CSMD1: variants seen among roughly 807,000 people sequenced by gnomAD.
CSMD1 encodes the protein CUB and Sushi multiple domains 1, also known as CUB and sushi domain-containing protein 1.
CSMD1 carries 213 observed loss-of-function variants against 417.5 expected under a neutral mutation model. The ratio of observed to expected loss-of-function variants is 0.51; its 90% confidence interval spans 0.46 to 0.57. The LOEUF is 0.57. CSMD1 is among the 20% of genes least tolerant of loss of function. The pLI, the probability that CSMD1 is intolerant of heterozygous loss-of-function variation, is 0.00. For missense variants in CSMD1, 6,923 were observed against 4,529.7 expected, an observed-to-expected ratio of 1.53 and a Z score of -15.17; for synonymous variants, 2,862 against 1,736.8, an observed-to-expected ratio of 1.65 and a Z score of -16.11.
At chr8:4,494,603 A>C (rs1308866219) in intron 2 of CSMD1, among the ~76,000 whole-genome samples, 1 of 152,116 alleles carries the variant, frequency 6.6e-6, no homozygotes, top group East Asian at 1.9e-4. Context: ...CACAAATTAC[A>C]CTAACTATGG....
chr8:4,788,488 A>G, intron 1 of CSMD1: 1 of 1,335,538 alleles, frequency 7.5e-7, no homozygotes, highest in South Asian at 1.2e-5. Context: ...TATTTGGGGT[A>G]GACAACCATT....
chr8:3,306,296 C>A (rs1238054459), intron 25 of CSMD1, among the ~76,000 whole-genome samples: 2 of 152,280 alleles, frequency 1.3e-5, no homozygotes, highest in South Asian at 4.1e-4. Context: ...GCCTCAGTAT[C>A]CTGAGTAGCT....
chr8:4,248,644 C>A (rs941979823), intron 3 of CSMD1, among the ~76,000 whole-genome samples: 2 of 152,160 alleles, frequency 1.3e-5, no homozygotes, highest in Admixed American at 6.5e-5. Flanking sequence ...TCATTTTACA[C>A]CATTAAGGAC....
At chr8:3,968,413 G>A (rs1812838677) in intron 5 of CSMD1, among the ~76,000 whole-genome samples, 1 of 151,990 alleles carries the variant, frequency 6.6e-6, no homozygotes, top group African/African-American at 2.4e-5. Flanking sequence ...CTTCCTTCAT[G>A]GGTTCACATG....
At chr8:3,960,265 T>G (rs1242676210) in intron 5 of CSMD1, among the ~76,000 whole-genome samples, 1 of 152,228 alleles carries the variant, frequency 6.6e-6, no homozygotes, top group Admixed American at 6.5e-5. Flanking sequence ...CAGCAAATCC[T>G]AAGTGCCATC....
At chr8:3,578,532 T>TG (rs549522543) in intron 9 of CSMD1, among the ~76,000 whole-genome samples, 22 of 152,220 alleles carry the variant, frequency 1.4e-4, no homozygotes, top group African/African-American at 4.8e-4. Context: ...TGTCGCCTAT[T>TG]GGGGGGCTGT....
intron 3 of CSMD1, among the ~76,000 whole-genome samples, chr8:4,304,110 C>A (rs1051394927): frequency 6.6e-6 from 1 of 152,002 alleles, no homozygotes; most frequent in Admixed American, 6.6e-5. Flanking sequence ...ATAAAATTAA[C>A]CACTGTTATT....
intron 3 of CSMD1, among the ~76,000 whole-genome samples, chr8:4,033,130 GAAAAAAAAAAA>G (rs58668077): frequency 6.2e-5 from 5 of 80,658 alleles, no homozygotes; most frequent in Admixed American, 1.7e-4. Flanking sequence ...TTTCCAATAT[GAAAAAAAAAAA>G]AAAAAAAAAA....
chr8:4,026,293 C>G (rs1344634585), intron 4 of CSMD1, among the ~76,000 whole-genome samples: 1 of 152,078 alleles, frequency 6.6e-6, no homozygotes, highest in Non-Finnish European at 1.5e-5. Context: ...TCATACTACA[C>G]CAGACACTGA....
In CSMD1 at chr8:4,190,920, G is replaced by C. The variant is rs560417979; in HGVS notation, c.416-158821C>G. On this transcript the variant is annotated intron_variant, in intron 3 of 69. Coordinates refer to ENST00000635120, the MANE Select transcript of CSMD1 (RefSeq NM_033225.6). ...TTGTGAGAACACATGGGTACACATA[G>C]GTGAACGACACAAACTGCGGCTCAG... 2.5e-4 allele frequency among the ~76,000 whole-genome samples: 38 copies of C among 150,916 alleles called. No individual in the cohort carries two copies. The South Asian group carries it at 7.9e-3, about 31-fold the overall frequency.
chr8:3,400,084 A>G (rs572313309), intron 15 of CSMD1, among the ~76,000 whole-genome samples: 3 of 152,270 alleles, frequency 2.0e-5, no homozygotes, highest in African/African-American at 7.2e-5. Context: ...ACTGCATTGA[A>G]CCTTTTGCAA....
chr8:4,155,150 A>C (rs1796765161), intron 3 of CSMD1, among the ~76,000 whole-genome samples: 1 of 152,216 alleles, frequency 6.6e-6, no homozygotes, highest in South Asian at 2.1e-4. Context: ...CAGATGAGAT[A>C]AAAGAGGCAC....
intron 2 of CSMD1, among the ~76,000 whole-genome samples, chr8:4,502,427 C>T (rs1478613962): frequency 6.6e-6 from 1 of 152,106 alleles, no homozygotes; most frequent in African/African-American, 2.4e-5. Context: ...CTTTCCCACC[C>T]TTTGTCAGTG....
rs1430272573 is a variant in CSMD1, at chr8:3,856,060, G to A, written c.819-102018C>T. ...TTTATGTCATTCACATCATACTGTG[G>A]AATGGTTTGGATCTGTGTTCCCACC... On this transcript the variant is annotated intron_variant, in intron 5 of 69. Coordinates refer to ENST00000635120, the MANE Select transcript of CSMD1 (RefSeq NM_033225.6). 2.0e-5 allele frequency among the ~76,000 whole-genome samples: 3 copies of A among 151,934 alleles called. No homozygotes were observed. In the East Asian group the frequency reaches 5.8e-4, roughly 29 times the overall value.
At chr8:3,296,361 G>T (rs1326236198) in intron 25 of CSMD1, among the ~76,000 whole-genome samples, 3 of 152,100 alleles carry the variant, frequency 2.0e-5, no homozygotes, top group African/African-American at 7.2e-5. Context: ...ACAGAGGAAG[G>T]GGGACTGGGA....
At chr8:4,268,794 A>G (rs1237748893) in intron 3 of CSMD1, among the ~76,000 whole-genome samples, 2 of 152,150 alleles carry the variant, frequency 1.3e-5, no homozygotes, top group East Asian at 1.9e-4. Flanking sequence ...CGACATCACA[A>G]AGGACATTAT....
At chr8:4,040,785 G>A (rs1047228848) in intron 3 of CSMD1, among the ~76,000 whole-genome samples, 5 of 152,112 alleles carry the variant, frequency 3.3e-5, no homozygotes, top group Admixed American at 6.5e-5. Context: ...GAAACCTAGA[G>A]ACTAGATTTT....
At chr8:4,669,059 T>C (rs1273072732) in intron 1 of CSMD1, among the ~76,000 whole-genome samples, 1 of 152,240 alleles carries the variant, frequency 6.6e-6, no homozygotes, top group Non-Finnish European at 1.5e-5. Flanking sequence ...TCACAGAATT[T>C]ACACAGCTCT....
Position 3,406,037 on chromosome 8 carries a change from G to T in CSMD1, c.2256C>A (p.Pro752=). 1 of 1,613,786 alleles carries T rather than the reference G, an allele frequency of 6.2e-7. No individual in the cohort carries two copies. Among genetic ancestry groups the T allele is most frequent in the Non-Finnish European group, 8.5e-7 (1 of 1,179,794 alleles). ...TGGCAGGGACTGCACCTTCACAGCG[G>T]GGCACGGTGGAGCTCCAGACCACGT... ...DGNVVWSSTV[P]RCEAPCGGHL... The change falls in exon 15 of 70, where the codon CCC becomes CCA. Residue 752 remains proline (P), a synonymous_variant. Coordinates refer to ENST00000635120, the MANE Select transcript of CSMD1 (RefSeq NM_033225.6).
Sources: gnomAD v4.1 joint callset for allele counts (sites outside exome capture counted in the v4.1 genomes callset) on GRCh38, gnomAD v4.1.1 for gene constraint, MANE v1.5 for transcripts, NCBI Gene and HGNC (gene_info 2026-07-23, HGNC 2026-07-21) for gene names.